EFL1: variants seen among roughly 807,000 people sequenced by gnomAD.
EFL1 encodes elongation factor-like GTPase 1.
In EFL1, 76 loss-of-function variants were observed where a neutral mutation model predicts 126.7. The ratio of observed to expected loss-of-function variants is 0.60; its 90% CI spans 0.50 to 0.73. The LOEUF is 0.73. Among genes scored for constraint, EFL1 ranks in the 30% least tolerant of loss-of-function variants. The pLI is 0.00. For missense variants in EFL1, 1,128 were observed against 1,343.2 expected, an observed-to-expected ratio of 0.84 and a Z score of 2.50; for synonymous variants, 410 against 448.4, an observed-to-expected ratio of 0.91 and a Z score of 1.08.
intron 18 of EFL1, among the ~76,000 whole-genome samples, chr15:82,151,093 T>C (rs989411163): frequency 2.9e-4 from 44 of 152,134 alleles, no homozygotes; most frequent in African/African-American, 1.0e-3. Context: ...GAGTTTAAGA[T>C]TTTTGGGTCT....
intron 7 of EFL1, among the ~76,000 whole-genome samples, chr15:82,235,182 T>G (rs1466446573): frequency 2.0e-5 from 3 of 152,180 alleles, no homozygotes; most frequent in African/African-American, 7.2e-5. Flanking sequence ...TGAACAAAAG[T>G]TACTTAATGT....
intron 15 of EFL1, among the ~76,000 whole-genome samples, chr15:82,164,995 G>A (rs571634609): frequency 2.0e-4 from 30 of 152,074 alleles, no homozygotes; most frequent in African/African-American, 7.0e-4. Context: ...CACATACAAA[G>A]GGCCAGTGCA....
At chr15:82,225,032 G>T in intron 12 of EFL1, 133 bp downstream of exon 12, 1 of 561,092 alleles carries the variant, frequency 1.8e-6, no homozygotes, top group South Asian at 3.1e-5. Flanking sequence ...TGTTACCCTG[G>T]GGGTTGGCTT....
chr15:82,224,045 T>C (rs997255184), intron 12 of EFL1, among the ~76,000 whole-genome samples: 3 of 152,138 alleles, frequency 2.0e-5, no homozygotes, highest in Admixed American at 6.5e-5. Context: ...CCTTCTCAGA[T>C]GGAGGAACAG....
intron 15 of EFL1, among the ~76,000 whole-genome samples, chr15:82,194,704 A>AC (rs1411439365): frequency 6.6e-6 from 1 of 152,312 alleles, no homozygotes; most frequent in African/African-American, 2.4e-5. Context: ...ACAGGCATAA[A>AC]CAGGATGTCC....
At chr15:82,252,255 T>G (rs574724885) in intron 4 of EFL1, among the ~76,000 whole-genome samples, 1 of 152,366 alleles carries the variant, frequency 6.6e-6, no homozygotes, top group African/African-American at 2.4e-5. Context: ...CATGACTATT[T>G]CTGTCAGATA....
chr15:82,217,376 A>G lies in EFL1; in HGVS notation c.1611+2276T>C, dbSNP rs998750238. Among the ~76,000 whole-genome samples, 1,110 of 139,138 alleles carry G rather than the reference A, an allele frequency of 8.0e-3. 13 individuals carry two copies. The highest frequency in any genetic ancestry group is 0.025 in the Admixed American group (340 of 13,516). The allele number at this position is 139,138 out of a possible 152,430, so 91.3% of individuals were successfully genotyped here. Reference sequence around the variant, plus strand: ...CAAGGTAGCATTGATTAGATTTGAAAAAAAAAAAAAAAAAAAAAACGAAAA... The same window carrying G: ...CAAGGTAGCATTGATTAGATTTGAAGAAAAAAAAAAAAAAAAAAACGAAAA... On this transcript the variant is annotated intron_variant, in intron 14 of 19. Transcript: ENST00000268206.
chr15:82,174,858 T>C (rs1382408218), intron 15 of EFL1, among the ~76,000 whole-genome samples: 1 of 152,232 alleles, frequency 6.6e-6, no homozygotes, highest in Non-Finnish European at 1.5e-5. Flanking sequence ...CAAAGGTTAA[T>C]ATTTTCTACG....
At chr15:82,238,650 T>C in intron 6 of EFL1, 129 bp from the exon 7 acceptor site, 1 of 713,898 alleles carries the variant, frequency 1.4e-6, no homozygotes, top group Non-Finnish European at 2.3e-6. Context: ...CATACATGAA[T>C]GGAGGTGACA....
chr15:82,213,737 T>C (rs1159533190), intron 15 of EFL1, among the ~76,000 whole-genome samples: 1 of 152,222 alleles, frequency 6.6e-6, no homozygotes, highest in African/African-American at 2.4e-5. Context: ...TCCTTTCTGA[T>C]AAAGCTGGCT....
At chr15:82,247,761 G>A (rs2074986246) in intron 4 of EFL1, among the ~76,000 whole-genome samples, 1 of 152,024 alleles carries the variant, frequency 6.6e-6, no homozygotes, top group Non-Finnish European at 1.5e-5. Context: ...GTAAGGAAGG[G>A]AATAATGGGA....
chr15:82,141,028 C>T (rs1450607186), intron 18 of EFL1, among the ~76,000 whole-genome samples: 1 of 152,176 alleles, frequency 6.6e-6, no homozygotes, highest in Non-Finnish European at 1.5e-5. Context: ...TTTAATCCCT[C>T]TCCCACAAAT....
At chr15:82,211,688 C>G (rs61421773) in intron 15 of EFL1, among the ~76,000 whole-genome samples, 17,081 of 149,296 alleles carry the variant, frequency 0.11, 1,901 homozygotes, top group African/African-American at 0.29. Flanking sequence ...TTTTATTAAA[C>G]ACCCTGGCTT....
intron 10 of EFL1, among the ~76,000 whole-genome samples, chr15:82,227,808 C>A (rs533291460): frequency 2.0e-5 from 3 of 152,282 alleles, no homozygotes; most frequent in African/African-American, 7.2e-5. Context: ...AACACTGAGG[C>A]CCATGAAACA....
intron 1 of EFL1, 28 bp downstream of exon 1, chr15:82,262,586 C>T (rs1288737355): frequency 5.8e-6 from 2 of 345,382 alleles, no homozygotes; most frequent in Non-Finnish European, 1.1e-5. Flanking sequence ...CTAGGAGGTT[C>T]CAGCCCCCAG....
At chr15:82,138,887 C>G in intron 18 of EFL1, 45 bp from the exon 19 acceptor site, 1 of 1,565,826 alleles carries the variant, frequency 6.4e-7, no homozygotes, top group South Asian at 1.2e-5. Flanking sequence ...AATCATATGG[C>G]TTGAGCCACA....
intron 18 of EFL1, among the ~76,000 whole-genome samples, chr15:82,147,307 A>G (rs1376627593): frequency 6.6e-6 from 1 of 152,168 alleles, no homozygotes; most frequent in Non-Finnish European, 1.5e-5. Context: ...ACGGATAGGC[A>G]CAGACCTATG....
chr15:82,216,338 G>C (rs1158371589), intron 14 of EFL1, among the ~76,000 whole-genome samples: 1 of 152,074 alleles, frequency 6.6e-6, no homozygotes, highest in Non-Finnish European at 1.5e-5. Flanking sequence ...AATTCCAATC[G>C]AAGCCTCAAC....
chr15:82,221,920 T>C (rs575280694), intron 12 of EFL1, among the ~76,000 whole-genome samples: 1 of 152,346 alleles, frequency 6.6e-6, no homozygotes, highest in African/African-American at 2.4e-5. Context: ...CCAGCATTCA[T>C]GCCTTCCCCA....
Sources: gnomAD v4.1 joint callset for allele counts (sites outside exome capture counted in the v4.1 genomes callset) on GRCh38, gnomAD v4.1.1 for gene constraint, MANE v1.5 for transcripts, NCBI Gene and HGNC (gene_info 2026-07-23, HGNC 2026-07-21) for gene names.